Variants in PTN observed in about 807,000 individuals in gnomAD.
The protein encoded by PTN is pleiotrophin.
PTN carries 18 observed loss-of-function variants against 24.1 expected under a neutral mutation model. The observed-to-expected ratio is 0.75, with a 90% CI of 0.52 to 1.11. The LOEUF is 1.11. PTN is among the 50% of genes least tolerant of loss of function. The probability of loss-of-function intolerance (pLI) is 0.00; values close to 1 mark genes in which losing one functional copy is unlikely to be tolerated. For synonymous variants in PTN, 78 were observed against 68.6 expected (o/e 1.14, Z -0.67); for missense variants, 163 against 198.8 (o/e 0.82, Z 1.08).
chr7:137,324,127 C>T (rs1184374094), intron 1 of PTN, among the ~76,000 whole-genome samples: 1 of 151,900 alleles, frequency 6.6e-6, no homozygotes, highest in African/African-American at 2.4e-5. Flanking sequence ...ACTGCTAGTG[C>T]CATAGTAGGT....
chr7:137,314,853 A>C (rs1810044761), intron 1 of PTN, among the ~76,000 whole-genome samples: 1 of 152,150 alleles, frequency 6.6e-6, no homozygotes, highest in Non-Finnish European at 1.5e-5. Context: ...TCGGCCTCCC[A>C]AAGTGCTGGG....
At chr7:137,250,767 A>G (rs2128870826) in intron 4 of PTN, among the ~76,000 whole-genome samples, 1 of 152,368 alleles carries the variant, frequency 6.6e-6, no homozygotes, top group East Asian at 1.9e-4. Context: ...AAACAAATGC[A>G]GAACCCATTA....
intron 4 of PTN, 115 bp downstream of exon 4, chr7:137,251,115 C>A: frequency 7.9e-7 from 1 of 1,258,352 alleles, no homozygotes; most frequent in Non-Finnish European, 1.1e-6. Flanking sequence ...GGGAGTTTTT[C>A]AGTCACTTTC....
At chr7:137,309,000 T>C (rs958323385) in intron 1 of PTN, among the ~76,000 whole-genome samples, 3 of 152,134 alleles carry the variant, frequency 2.0e-5, no homozygotes, top group Non-Finnish European at 4.4e-5. Context: ...GGATGCAAAG[T>C]ACATACTGAA....
intron 1 of PTN, among the ~76,000 whole-genome samples, chr7:137,333,043 G>T (rs750638699): frequency 6.6e-6 from 1 of 152,148 alleles, no homozygotes; most frequent in Non-Finnish European, 1.5e-5. Context: ...GAAGAGTTTG[G>T]GTCATGGGAG....
Position 137,227,910 on chromosome 7 carries a change from G to C in PTN, c.*110C>G. 3 of 1,435,002 alleles carry C rather than the reference G, an allele frequency of 2.1e-6. No homozygotes were observed. Among genetic ancestry groups the C allele is most frequent in the Non-Finnish European group, 1.9e-6 (2 of 1,076,458 alleles). The allele number at this position is 1,435,002 out of a possible 1,614,324, so 88.9% of individuals were successfully genotyped here. ...TTTTCTTTTTGTTTTTGCTTATTGT[G>C]TACTTAGCTATAGATAATTTTTGAA... is the stretch of plus-strand genomic sequence containing the variant. On this transcript the variant is annotated 3_prime_UTR_variant, in exon 5 of 5. Transcript: ENST00000348225.
At position 137,276,020 on chromosome 7, in the gene PTN, T is replaced by A. The variant is rs558456780; in HGVS notation, c.-1-21046A>T. ...ATTCACTGCCATACAACTAAGCAAA[T>A]GGCATCCCACATTATTATGTATTTG... On this transcript the variant is annotated intron_variant, in intron 1 of 4. Coordinates refer to ENST00000348225, the MANE Select transcript of PTN (RefSeq NM_002825.7). Among the ~76,000 whole-genome samples the A allele has an allele frequency of 6.6e-5, 10 of 152,276 alleles. No homozygotes were observed. In the East Asian group the frequency reaches 1.5e-3, roughly 24 times the overall value.
intron 4 of PTN, among the ~76,000 whole-genome samples, chr7:137,246,530 C>G (rs1020605615): frequency 1.7e-4 from 26 of 152,132 alleles, no homozygotes; most frequent in Admixed American, 1.3e-3. Context: ...TTACTGATCA[C>G]TATAAAAATT....
intron 1 of PTN, among the ~76,000 whole-genome samples, chr7:137,324,433 A>AAAAAAAAAAAAAAAAATAT: frequency 1.1e-5 from 1 of 88,800 alleles, no homozygotes; most frequent in African/African-American, 6.9e-5. Context: ...AAAAAAAAAA[A>AAAAAAAAAAAAAAAAATAT]ATATATATAT....
chr7:137,248,401 T>C (rs1053745063), intron 4 of PTN, among the ~76,000 whole-genome samples: 4 of 152,158 alleles, frequency 2.6e-5, no homozygotes, highest in Admixed American at 6.5e-5. Flanking sequence ...AGAATATTCT[T>C]TTTTCCAGGC....
chr7:137,278,173 A>G (rs1429118605), intron 1 of PTN, among the ~76,000 whole-genome samples: 10 of 150,212 alleles, frequency 6.7e-5, no homozygotes, highest in South Asian at 4.3e-4. Context: ...CGGGCGTGGT[A>G]GCGGGCGCCT....
In PTN at chr7:137,277,333, T is replaced by G. The variant is rs1809377325; in HGVS notation, c.-1-22359A>C. ...TTTACTGGTAGGACTATAAAATCATTGCAACCACTATTGAACACATTTTAG... is the reference window on the plus strand; with the variant it reads ...TTTACTGGTAGGACTATAAAATCATGGCAACCACTATTGAACACATTTTAG... On this transcript the variant is annotated intron_variant, in intron 1 of 4. Transcript: ENST00000348225. Among the ~76,000 whole-genome samples, 5 of 152,224 alleles carry G rather than the reference T, an allele frequency of 3.3e-5. No homozygotes were observed. The South Asian group carries it at 1.0e-3, about 31-fold the overall frequency.
At chr7:137,249,937 C>G (rs1156714948) in intron 4 of PTN, among the ~76,000 whole-genome samples, 3 of 152,118 alleles carry the variant, frequency 2.0e-5, no homozygotes, top group African/African-American at 7.2e-5. Flanking sequence ...AAAAGCCAGG[C>G]CTGTGAAAAA....
intron 1 of PTN, among the ~76,000 whole-genome samples, chr7:137,274,251 T>C (rs1167371271): frequency 6.6e-6 from 1 of 152,104 alleles, no homozygotes; most frequent in African/African-American, 2.4e-5. Context: ...CACTACTCAC[T>C]GACTTCCTTG....
chr7:137,238,654 C>T (rs1039037395), intron 4 of PTN, among the ~76,000 whole-genome samples: 3 of 152,150 alleles, frequency 2.0e-5, no homozygotes, highest in African/African-American at 4.8e-5. Flanking sequence ...ACAGACTGTC[C>T]TGACTTCAAG....
chr7:137,229,849 C>T (rs140021857), intron 4 of PTN, among the ~76,000 whole-genome samples: 75 of 151,804 alleles, frequency 4.9e-4, no homozygotes, highest in African/African-American at 1.6e-3. Context: ...GTGTAATTTC[C>T]GAAAAATTAT....
intron 1 of PTN, among the ~76,000 whole-genome samples, chr7:137,342,053 G>A (rs1810542889): frequency 6.6e-6 from 1 of 152,126 alleles, no homozygotes; most frequent in African/African-American, 2.4e-5. Context: ...ACATAATGAA[G>A]ATGGAAAATA....
At chr7:137,263,244 A>G (rs1174584179) in intron 1 of PTN, among the ~76,000 whole-genome samples, 1 of 152,150 alleles carries the variant, frequency 6.6e-6, no homozygotes, top group Non-Finnish European at 1.5e-5. Context: ...AAATTTTCTT[A>G]GTGCTGGGAA....
chr7:137,230,538 C>T (rs1464909051), intron 4 of PTN, among the ~76,000 whole-genome samples: 3 of 151,636 alleles, frequency 2.0e-5, no homozygotes, highest in African/African-American at 7.3e-5. Context: ...TTCATATTTG[C>T]AATAAGGTCA....
Sources: gnomAD v4.1 joint callset for allele counts (sites outside exome capture counted in the v4.1 genomes callset) on GRCh38, gnomAD v4.1.1 for gene constraint, MANE v1.5 for transcripts, NCBI Gene and HGNC (gene_info 2026-07-23, HGNC 2026-07-21) for gene names.